OSBPL8: variants seen among roughly 807,000 people sequenced by gnomAD.
OSBPL8 encodes oxysterol-binding protein-related protein 8.
Under a neutral mutation model 125.5 loss-of-function variants are expected in OSBPL8, and 59 were observed. The observed-to-expected ratio is 0.47, with a 90% CI of 0.38 to 0.58. The LOEUF (loss-of-function observed/expected upper bound fraction) is 0.58, where lower values mean the gene tolerates loss of function less well. Among genes scored for constraint, OSBPL8 ranks in the 20% least tolerant of loss-of-function variants. The pLI is 0.00. For synonymous variants in OSBPL8, 330 were observed against 338.9 expected (o/e 0.97, Z 0.29); for missense variants, 758 against 1,047.8 (o/e 0.72, Z 3.82).
rs1459307876 is a variant in OSBPL8, at chr12:76,355,693, C to T, written c.*196G>A. The stretch of plus-strand genomic sequence containing the variant: ...GTCCTGGCACTTAACACATAGCTCA[C>T]TTTAATAATCAAATAGGATAGCTCT... On this transcript the variant is annotated 3_prime_UTR_variant, in exon 24 of 24. Coordinates refer to ENST00000261183, the MANE Select transcript of OSBPL8 (RefSeq NM_020841.5). 1.8e-6 allele frequency: 1 copy of T among 558,528 alleles called. No homozygotes were observed. The highest frequency in any genetic ancestry group is 3.0e-6 in the Non-Finnish European group (1 of 331,288). The allele number at this position is 558,528 out of a possible 1,614,324, so 34.6% of individuals were successfully genotyped here. A position where few individuals can be genotyped will look rare whatever the true frequency, so the allele number is the denominator to read the frequency against.
intron 2 of OSBPL8, among the ~76,000 whole-genome samples, chr12:76,476,706 T>C (rs1854895325): frequency 6.6e-6 from 1 of 152,092 alleles, no homozygotes. Context: ...AAGATTTAAA[T>C]AGTAACAGAA....
chr12:76,378,283 G>C (rs1443836298), intron 16 of OSBPL8, among the ~76,000 whole-genome samples, 169 bp downstream of exon 16: 2 of 152,112 alleles, frequency 1.3e-5, no homozygotes, highest in Non-Finnish European at 2.9e-5. Context: ...ATTCACCGCA[G>C]AAATATTCAG....
chr12:76,373,348 T>G lies in OSBPL8; in HGVS notation c.1913A>C (p.His638Pro). ...GCTCATATACAAAATACTTACCCAA[T>G]GACCTTCCAAAGTAGCTAGGACTTC... ...GKEVLATLEG[H>P]WDSEVFITDK... The change falls in exon 18 of 24, where the codon CAT becomes CCT. Residue 638 changes from histidine to proline, a missense_variant. Physicochemically the swap from His to Pro is moderately conservative, Grantham distance 77 (BLOSUM62 -2). Transcript: ENST00000261183. 2 of 1,592,116 alleles carry G rather than the reference T, an allele frequency of 1.3e-6. No individual in the cohort carries two copies. The highest frequency in any genetic ancestry group is 1.7e-6 in the Non-Finnish European group (2 of 1,163,212).
chr12:76,482,134 A>C (rs573398446), intron 2 of OSBPL8, among the ~76,000 whole-genome samples: 51 of 152,330 alleles, frequency 3.3e-4, no homozygotes, highest in African/African-American at 1.1e-3. Flanking sequence ...CTGAATTAGA[A>C]TCTTAAAGAT....
Position 76,496,531 on chromosome 12 carries a change from A to C in OSBPL8, c.-67-8913T>G, listed in dbSNP as rs534472339. On this transcript the variant is annotated intron_variant, in intron 1 of 23. Coordinates refer to ENST00000261183, the MANE Select transcript of OSBPL8 (RefSeq NM_020841.5). ...GACCACAGCAGGCATGCACCACCAG[A>C]CCTGGCTAATACATTTTTTTTTTTT... 5.3e-5 allele frequency among the ~76,000 whole-genome samples: 8 copies of C among 151,090 alleles called. No homozygotes were observed. The South Asian group carries it at 1.7e-3, about 32-fold the overall frequency.
chr12:76,361,989 A>G (rs1008998232), intron 21 of OSBPL8, among the ~76,000 whole-genome samples: 3 of 152,258 alleles, frequency 2.0e-5, no homozygotes, highest in African/African-American at 7.2e-5. Flanking sequence ...CATTGTAACA[A>G]GAAGTATTCT....
At chr12:76,419,127 T>C (rs1445686869) in intron 4 of OSBPL8, among the ~76,000 whole-genome samples, 1 of 151,846 alleles carries the variant, frequency 6.6e-6, no homozygotes, top group Non-Finnish European at 1.5e-5. Flanking sequence ...TCTCAGCTAG[T>C]TGGGAGGTGG....
At chr12:76,383,392 TA>T (rs35666950) in intron 15 of OSBPL8, among the ~76,000 whole-genome samples, 113,732 of 144,244 alleles carry the variant, frequency 0.79, 44,819 homozygotes, top group East Asian at 0.92. Flanking sequence ...AAAACAAGGT[TA>T]AAAAAAAAAA....
At chr12:76,546,442 A>T (rs1950785530) in intron 1 of OSBPL8, among the ~76,000 whole-genome samples, 1 of 152,144 alleles carries the variant, frequency 6.6e-6, no homozygotes, top group Non-Finnish European at 1.5e-5. Flanking sequence ...TCATTTCCCA[A>T]ATAATCAAAT....
At chr12:76,434,855 G>A (rs1407436561) in intron 4 of OSBPL8, among the ~76,000 whole-genome samples, 4 of 152,032 alleles carry the variant, frequency 2.6e-5, no homozygotes, top group South Asian at 4.1e-4. Flanking sequence ...TCAATAAAAC[G>A]TAAGTTAACT....
intron 2 of OSBPL8, among the ~76,000 whole-genome samples, chr12:76,473,852 T>C (rs983853873): frequency 3.3e-5 from 5 of 152,250 alleles, no homozygotes; most frequent in African/African-American, 1.2e-4. Context: ...CTCTGCTACT[T>C]ACTAGATGTG....
At chr12:76,442,024 C>T (rs890154737) in intron 4 of OSBPL8, among the ~76,000 whole-genome samples, 2 of 152,108 alleles carry the variant, frequency 1.3e-5, no homozygotes, top group Non-Finnish European at 2.9e-5. Flanking sequence ...GCATTGCATG[C>T]TCGTATAAAA....
chr12:76,366,658 T>C (rs1952427915), intron 21 of OSBPL8: 1 of 406,076 alleles, frequency 2.5e-6, no homozygotes, highest in Non-Finnish European at 4.8e-6. Flanking sequence ...TCTCTCTTAA[T>C]GTAGATGTTC....
rs541603468 is a variant in OSBPL8, at chr12:76,507,234, A to G, written c.-67-19616T>C. Among the ~76,000 whole-genome samples, 185 of 151,896 alleles carry G rather than the reference A, an allele frequency of 1.2e-3. 4 individuals are homozygous for G. The highest frequency in any genetic ancestry group is 4.3e-3 in the African/African-American group (179 of 41,172). On this transcript the variant is annotated intron_variant, in intron 1 of 23. Transcript: ENST00000261183. Reference sequence around the variant, plus strand: ...TTACCCTAACAAAGTTCCTAGAGAAAGTAATTTTTATAAAACTTATTCTCT... The same window carrying G: ...TTACCCTAACAAAGTTCCTAGAGAAGGTAATTTTTATAAAACTTATTCTCT...
At chr12:76,450,543 C>T (rs2136729187) in intron 4 of OSBPL8, among the ~76,000 whole-genome samples, 1 of 151,992 alleles carries the variant, frequency 6.6e-6, no homozygotes, top group South Asian at 2.1e-4. Flanking sequence ...AAGCACTTCA[C>T]AGTCTTCAAT....
intron 1 of OSBPL8, among the ~76,000 whole-genome samples, chr12:76,558,125 AT>A (rs199502706): frequency 7.3e-6 from 1 of 137,280 alleles, no homozygotes; most frequent in Non-Finnish European, 1.7e-5. Context: ...CACGGTTAAT[AT>A]TAAAAAAAAA....
At chr12:76,514,708 G>C (rs11838000) in intron 1 of OSBPL8, among the ~76,000 whole-genome samples, 30,995 of 152,100 alleles carry the variant, frequency 0.2, 3,396 homozygotes, top group Non-Finnish European at 0.26. Context: ...CTCTAGCAAA[G>C]CTGGGGAAGT....
chr12:76,557,206 T>C (rs1301370493), intron 1 of OSBPL8, among the ~76,000 whole-genome samples: 1 of 152,256 alleles, frequency 6.6e-6, no homozygotes, highest in Non-Finnish European at 1.5e-5. Context: ...ATGTACTGTA[T>C]CAATTCTTTG....
intron 2 of OSBPL8, among the ~76,000 whole-genome samples, chr12:76,470,991 C>T (rs927007152): frequency 3.3e-5 from 5 of 152,018 alleles, no homozygotes; most frequent in African/African-American, 7.2e-5. Context: ...AATATAACAA[C>T]TTTAAAAAGA....
Sources: gnomAD v4.1 joint callset for allele counts (sites outside exome capture counted in the v4.1 genomes callset) on GRCh38, gnomAD v4.1.1 for gene constraint, MANE v1.5 for transcripts, NCBI Gene and HGNC (gene_info 2026-07-23, HGNC 2026-07-21) for gene names.